The following FLVCR2 variants were observed in gnomAD, a reference collection of about 807,000 sequenced individuals.
The protein encoded by FLVCR2 is FLVCR choline and putative heme transporter 2.
Under a neutral mutation model 48.9 loss-of-function variants are expected in FLVCR2, and 38 were observed. That is an observed-to-expected ratio of 0.78 (90% confidence interval 0.60 to 1.02). The LOEUF is 1.02. Ranked by LOEUF, FLVCR2 falls within the 50% of genes least tolerant of loss-of-function variation. The probability of loss-of-function intolerance (pLI) is 0.00; values close to 1 mark genes in which losing one functional copy is unlikely to be tolerated. For missense variants in FLVCR2, 664 were observed against 663.3 expected, an observed-to-expected ratio of 1.00 and a Z score of -0.01; for synonymous variants, 255 against 257.0, an observed-to-expected ratio of 0.99 and a Z score of 0.07.
intron 4 of FLVCR2, among the ~76,000 whole-genome samples, 192 bp downstream of exon 4, chr14:75,633,888 T>C (rs1213616909): frequency 2.0e-5 from 3 of 151,960 alleles, no homozygotes; most frequent in Non-Finnish European, 4.4e-5. Context: ...CTAAACTGTG[T>C]GATGGCTTGA....
At chr14:75,619,015 G>A (rs1177283700) in intron 1 of FLVCR2, among the ~76,000 whole-genome samples, 1 of 152,036 alleles carries the variant, frequency 6.6e-6, no homozygotes, top group African/African-American at 2.4e-5. Context: ...CTTGAGGTCA[G>A]GAGTTTGAGA....
chr14:75,596,029 A>C lies in FLVCR2; in HGVS notation c.669+16388A>C. On this transcript the variant is annotated intron_variant, in intron 1 of 9. Coordinates refer to ENST00000238667, the MANE Select transcript of FLVCR2 (RefSeq NM_017791.3). The stretch of plus-strand genomic sequence containing the variant: ...TTGCCACCACCAAAATGAGTTTTGA[A>C]TGCAAATACAAAGATGACATCCAGT... The C allele has an allele frequency of 2.2e-6, 3 of 1,368,382 alleles. No individual in the cohort carries two copies. The East Asian group carries it at 6.9e-5, about 31-fold the overall frequency. 84.8% of individuals were successfully genotyped at this position (1,368,382 alleles called of 1,614,324 possible).
chr14:75,621,978 G>T, intron 1 of FLVCR2, 101 bp from the exon 2 acceptor site: 1 of 1,214,592 alleles, frequency 8.2e-7, no homozygotes, highest in South Asian at 1.2e-5. Flanking sequence ...AGGAAGGATT[G>T]GAAGTTGGAA....
chr14:75,630,876 C>T (rs1168144581), intron 3 of FLVCR2, among the ~76,000 whole-genome samples: 1 of 152,124 alleles, frequency 6.6e-6, no homozygotes, highest in East Asian at 1.9e-4. Context: ...GCCCAGCAGG[C>T]TCACCTTGCT....
intron 9 of FLVCR2, among the ~76,000 whole-genome samples, chr14:75,644,896 T>G (rs1205942007): frequency 6.6e-6 from 1 of 152,166 alleles, no homozygotes; most frequent in Admixed American, 6.5e-5. Context: ...TGATTGACCT[T>G]GACTATGAAC....
At chr14:75,598,500 C>CGTTTTT (rs1466788511) in intron 1 of FLVCR2, among the ~76,000 whole-genome samples, 3 of 152,116 alleles carry the variant, frequency 2.0e-5, no homozygotes, top group Admixed American at 6.5e-5. Flanking sequence ...TTTTTAGAGA[C>CGTTTTT]AGAGTCTTGC....
rs1324942546 is a variant in FLVCR2, at chr14:75,579,104, C to T, written c.132C>T (p.Ser44=). 2.5e-6 allele frequency: 4 copies of T among 1,613,976 alleles called. No homozygotes were observed. The highest frequency in any genetic ancestry group is 3.4e-6 in the Non-Finnish European group (4 of 1,179,982). ...ATCCCAGCGTCTCCATCAACCCCAG[C>T]GTCTCTGTCCACCCCAGCAGTTCGG... is the stretch of plus-strand genomic sequence containing the variant. ...SVHPSVSINP[S]VSVHPSSSAH... The change falls in exon 1 of 10, where the codon AGC becomes AGT. Residue 44 remains serine (S), a synonymous_variant. Transcript: ENST00000238667.
At chr14:75,627,280 G>A (rs1889923549) in intron 3 of FLVCR2, among the ~76,000 whole-genome samples, 1 of 150,084 alleles carries the variant, frequency 6.7e-6, no homozygotes, top group Non-Finnish European at 1.5e-5. Context: ...GAATGGTGGA[G>A]TAAGGACCTT....
At chr14:75,636,576 A>C (rs1890171654) in intron 5 of FLVCR2, among the ~76,000 whole-genome samples, 1 of 152,144 alleles carries the variant, frequency 6.6e-6, no homozygotes, top group African/African-American at 2.4e-5. Flanking sequence ...GAGGACTGGG[A>C]AGAACACTTT....
intron 1 of FLVCR2, 84 bp downstream of exon 1, chr14:75,579,725 G>A: frequency 6.8e-7 from 1 of 1,461,314 alleles, no homozygotes; most frequent in South Asian, 1.2e-5. Flanking sequence ...ATAATTTGCT[G>A]ATTGTCCAAC....
intron 3 of FLVCR2, among the ~76,000 whole-genome samples, chr14:75,625,768 T>C (rs1306480311): frequency 2.0e-5 from 3 of 152,026 alleles, no homozygotes; most frequent in African/African-American, 4.8e-5. Flanking sequence ...TTTTATGTTT[T>C]ATAACAACAA....
chr14:75,641,049 A>G lies in FLVCR2; in HGVS notation c.1330A>G (p.Ile444Val), dbSNP rs757452197. 1 of 1,612,948 alleles carries G rather than the reference A, an allele frequency of 6.2e-7. No homozygotes were observed. Among genetic ancestry groups the G allele is most frequent in the Non-Finnish European group, 8.5e-7 (1 of 1,178,970 alleles). The part of the protein sequence containing the change: ...SEGISSGLLN[I>V]SAQVFGIIFT... ...AGGCATCTCCTCCGGCCTCCTCAAC[A>G]TATCTGCACAGGTAGAGCTCGTATT... The change falls in exon 7 of 10, where the codon ATA becomes GTA. Residue 444 changes from isoleucine to valine, a missense_variant. By Grantham distance (29) the Ile-to-Val change is conservative. Coordinates refer to ENST00000238667, the MANE Select transcript of FLVCR2 (RefSeq NM_017791.3).
chr14:75,644,038 G>A (rs377058976), intron 9 of FLVCR2, among the ~76,000 whole-genome samples: 12 of 140,474 alleles, frequency 8.5e-5, no homozygotes, highest in Non-Finnish European at 9.2e-5. Context: ...ACTCCATCTC[G>A]AAAAAAAAAA....
intron 3 of FLVCR2, among the ~76,000 whole-genome samples, chr14:75,625,257 TC>T: frequency 6.7e-6 from 1 of 149,732 alleles, no homozygotes; most frequent in Non-Finnish European, 1.5e-5. Context: ...GCCACATGAG[TC>T]ACTCCTCAAC....
chr14:75,608,546 GCCT>G (rs2140024529), intron 1 of FLVCR2, among the ~76,000 whole-genome samples: 1 of 152,296 alleles, frequency 6.6e-6, no homozygotes, highest in South Asian at 2.1e-4. Flanking sequence ...CAGGACATAG[GCCT>G]GGGAGGGAGA....
intron 1 of FLVCR2, among the ~76,000 whole-genome samples, chr14:75,590,573 G>T (rs1888856212): frequency 6.6e-6 from 1 of 152,212 alleles, no homozygotes; most frequent in Non-Finnish European, 1.5e-5. Context: ...GGAGGAGATT[G>T]TCTCATGGGA....
chr14:75,618,211 T>C (rs368964184), intron 1 of FLVCR2, among the ~76,000 whole-genome samples: 106 of 152,260 alleles, frequency 7.0e-4, no homozygotes, highest in South Asian at 1.9e-3. Flanking sequence ...TGGAAGCTAT[T>C]AGGAGGCATG....
At position 75,641,067 on chromosome 14, in the gene FLVCR2, C is replaced by T. The variant is rs749856711; in HGVS notation, c.1341+7C>T. ...CCTCAACATATCTGCACAGGTAGAG[C>T]TCGTATTTCCTGTTTGTTTCCTGGC... On this transcript the variant is annotated splice_region_variant and intron_variant, in intron 7 of 9. Coordinates refer to ENST00000238667, the MANE Select transcript of FLVCR2 (RefSeq NM_017791.3). 1.9e-6 allele frequency: 3 copies of T among 1,607,084 alleles called. No individual in the cohort carries two copies. The highest frequency in any genetic ancestry group is 1.7e-5 in the Admixed American group (1 of 60,012).
At chr14:75,583,122 C>A (rs1022211924) in intron 1 of FLVCR2, among the ~76,000 whole-genome samples, 9 of 151,942 alleles carry the variant, frequency 5.9e-5, no homozygotes, top group African/African-American at 1.9e-4. Flanking sequence ...ATGAAGGGTG[C>A]AAAGGAATAG....
Sources: gnomAD v4.1 joint callset for allele counts (sites outside exome capture counted in the v4.1 genomes callset) on GRCh38, gnomAD v4.1.1 for gene constraint, MANE v1.5 for transcripts, NCBI Gene and HGNC (gene_info 2026-07-23, HGNC 2026-07-21) for gene names.